The following CNTN5 variants were observed in gnomAD, a reference collection of about 807,000 sequenced individuals.
CNTN5 encodes the protein contactin 5.
In CNTN5, 77 loss-of-function variants were observed where a neutral mutation model predicts 129.1. That is an observed-to-expected ratio of 0.60 (90% CI 0.50 to 0.72). CNTN5 has a LOEUF of 0.72. Among genes scored for constraint, CNTN5 ranks in the 30% least tolerant of loss-of-function variants. The probability of loss-of-function intolerance (pLI) is 0.00; values close to 1 mark genes in which losing one functional copy is unlikely to be tolerated. For synonymous variants in CNTN5, 509 were observed against 465.6 expected (o/e 1.09, Z -1.20); for missense variants, 1,478 against 1,328.8 (o/e 1.11, Z -1.75).
intron 9 of CNTN5, among the ~76,000 whole-genome samples, chr11:100,043,390 C>T (rs568016243): frequency 6.6e-6 from 1 of 152,014 alleles, no homozygotes; most frequent in Non-Finnish European, 1.5e-5. Context: ...TCAATTTTTA[C>T]AAATAATTTT....
chr11:99,370,838 A>G (rs1186774144), intron 2 of CNTN5, among the ~76,000 whole-genome samples: 6 of 152,210 alleles, frequency 3.9e-5, no homozygotes, highest in Admixed American at 3.9e-4. Context: ...GAAGACTAGA[A>G]TATTATGAAA....
intron 6 of CNTN5, among the ~76,000 whole-genome samples, chr11:99,868,227 A>C (rs1052194205): frequency 3.9e-5 from 6 of 152,124 alleles, no homozygotes; most frequent in South Asian, 2.1e-4. Context: ...ATAAAAAAAA[A>C]AAAACAAAAA....
rs545697184 is a variant in CNTN5, at chr11:100,081,729, A to G, written c.1580+7435A>G. On this transcript the variant is annotated intron_variant, in intron 13 of 24. Transcript: ENST00000524871. ...ACTTCTAGCAAAAGAAGGACTATAT[A>G]CCGTTTCTAATTTTTCAGGAGTAAA... Among the ~76,000 whole-genome samples the G allele has an allele frequency of 5.1e-4, 77 of 152,152 alleles. 1 individual carries two copies. Among genetic ancestry groups the G allele is most frequent in the Non-Finnish European group, 8.7e-4 (59 of 68,012 alleles).
In CNTN5 at chr11:99,368,976, T is replaced by C. The variant is rs548351964; in HGVS notation, c.-71+43492T>C. Among the ~76,000 whole-genome samples the C allele has an allele frequency of 1.4e-4, 22 of 151,852 alleles. No homozygotes were observed. The East Asian group carries it at 2.5e-3, about 17-fold the overall frequency. ...TTCAGCATGTTAAATTAATCCACAA[T>C]TGGCAAAAGTTTTTGTCTAAGATTA... is the stretch of plus-strand genomic sequence containing the variant. On this transcript the variant is annotated intron_variant, in intron 2 of 24. Transcript: ENST00000524871.
chr11:99,141,421 T>C (rs1859508535), intron 1 of CNTN5, among the ~76,000 whole-genome samples: 1 of 152,186 alleles, frequency 6.6e-6, no homozygotes, highest in African/African-American at 2.4e-5. Context: ...TTTTTATTAG[T>C]TTAGCTAGTG....
At chr11:99,418,518 A>C (rs1276272403) in intron 2 of CNTN5, among the ~76,000 whole-genome samples, 5 of 152,202 alleles carry the variant, frequency 3.3e-5, no homozygotes, top group Non-Finnish European at 5.9e-5. Context: ...ATTTAATTGG[A>C]TCCAAGAACA....
At chr11:100,247,632 G>C (rs769138758) in intron 16 of CNTN5, among the ~76,000 whole-genome samples, 2 of 152,070 alleles carry the variant, frequency 1.3e-5, no homozygotes, top group Non-Finnish European at 2.9e-5. Context: ...ACATCATCTT[G>C]TATAAAAATA....
At chr11:99,545,995 C>T (rs1948279313) in intron 2 of CNTN5, among the ~76,000 whole-genome samples, 1 of 120,556 alleles carries the variant, frequency 8.3e-6, no homozygotes, top group African/African-American at 3.3e-5. Flanking sequence ...AATAGATTTT[C>T]CTATCAGTAG....
chr11:99,178,314 C>CCACACACA (rs71046672), intron 1 of CNTN5, among the ~76,000 whole-genome samples: 146 of 125,570 alleles, frequency 1.2e-3, no homozygotes, highest in African/African-American at 2.2e-3. Flanking sequence ...GACCTCATCT[C>CCACACACA]CACACACACA....
intron 2 of CNTN5, among the ~76,000 whole-genome samples, chr11:99,537,952 C>T (rs1019067376): frequency 5.3e-5 from 8 of 152,114 alleles, no homozygotes; most frequent in Non-Finnish European, 7.4e-5. Flanking sequence ...TACAATTTGC[C>T]ATTGAAAATG....
intron 2 of CNTN5, among the ~76,000 whole-genome samples, chr11:99,477,027 A>T (rs1166536710): frequency 2.6e-5 from 4 of 151,926 alleles, no homozygotes; most frequent in Admixed American, 2.6e-4. Context: ...CTTTAAAAAA[A>T]ATTTATCCAT....
At chr11:99,206,820 G>T (rs1859509628) in intron 1 of CNTN5, among the ~76,000 whole-genome samples, 1 of 152,066 alleles carries the variant, frequency 6.6e-6, no homozygotes, top group Non-Finnish European at 1.5e-5. Flanking sequence ...TAGCAAAATA[G>T]TAGAATTTTA....
chr11:99,477,084 A>C (rs1565214920), intron 2 of CNTN5, among the ~76,000 whole-genome samples: 1 of 151,914 alleles, frequency 6.6e-6, no homozygotes. Context: ...ATTACTTTGC[A>C]TGCACTATAT....
At chr11:100,026,248 G>A (rs781305921) in intron 9 of CNTN5, among the ~76,000 whole-genome samples, 5 of 151,864 alleles carry the variant, frequency 3.3e-5, no homozygotes, top group Non-Finnish European at 5.9e-5. Context: ...TCTTCCTGAC[G>A]CCTGGTGAAG....
At chr11:99,819,435 C>A in intron 3 of CNTN5, 109 bp from the exon 4 acceptor site, 3 of 860,600 alleles carry the variant, frequency 3.5e-6, no homozygotes, top group Admixed American at 2.6e-5. Flanking sequence ...AATTTGCTTG[C>A]AGCTCCAAAG....
At chr11:99,669,914 T>C (rs977824940) in intron 3 of CNTN5, among the ~76,000 whole-genome samples, 1 of 152,180 alleles carries the variant, frequency 6.6e-6, no homozygotes, top group African/African-American at 2.4e-5. Flanking sequence ...CAAAATCCAA[T>C]GAGGGTTTTG....
intron 3 of CNTN5, among the ~76,000 whole-genome samples, chr11:99,683,756 G>A (rs1007149637): frequency 3.3e-5 from 5 of 151,760 alleles, no homozygotes; most frequent in African/African-American, 1.2e-4. Flanking sequence ...AGTATATAGT[G>A]TATTTCTCTT....
chr11:99,172,922 C>T (rs532108591), intron 1 of CNTN5, among the ~76,000 whole-genome samples: 6 of 152,190 alleles, frequency 3.9e-5, no homozygotes, highest in African/African-American at 1.4e-4. Context: ...AAGATATACC[C>T]GAGATTGGGA....
intron 2 of CNTN5, among the ~76,000 whole-genome samples, chr11:99,529,706 G>A (rs946774446): frequency 1.3e-5 from 2 of 151,890 alleles, no homozygotes; most frequent in Admixed American, 6.6e-5. Flanking sequence ...CAAGAACTCA[G>A]GTGAAGCAAC....
Sources: gnomAD v4.1 joint callset for allele counts (sites outside exome capture counted in the v4.1 genomes callset) on GRCh38, gnomAD v4.1.1 for gene constraint, MANE v1.5 for transcripts, NCBI Gene and HGNC (gene_info 2026-07-23, HGNC 2026-07-21) for gene names.